Variants in STXBP4 observed in about 807,000 individuals in gnomAD.
The protein encoded by STXBP4 is syntaxin binding protein 4.
Under a neutral mutation model 76.1 loss-of-function variants are expected in STXBP4, and 55 were observed. The observed-to-expected ratio is 0.72, with a 90% CI of 0.58 to 0.91. STXBP4 has a LOEUF of 0.91. STXBP4 is among the 40% of genes least tolerant of loss of function. The probability of loss-of-function intolerance (pLI) is 0.00; values close to 1 mark genes in which losing one functional copy is unlikely to be tolerated. For missense variants in STXBP4, 618 were observed against 636.9 expected, an observed-to-expected ratio of 0.97 and a Z score of 0.32; for synonymous variants, 201 against 220.2, an observed-to-expected ratio of 0.91 and a Z score of 0.77.
intron 10 of STXBP4, 29 bp from the exon 11 acceptor site, chr17:55,043,207 A>G (rs2078732657): frequency 7.8e-7 from 1 of 1,284,262 alleles, no homozygotes; most frequent in Non-Finnish European, 1.1e-6. Flanking sequence ...CTAATGCACA[A>G]CTTTTCTCTT....
chr17:55,202,273 A>C, the STXBP4 span, among the ~76,000 whole-genome samples: 1 of 151,980 alleles, frequency 6.6e-6, no homozygotes, highest in Non-Finnish European at 1.5e-5. Context: ...TCATATATAT[A>C]TGTTTCTCAC....
intron 12 of STXBP4, among the ~76,000 whole-genome samples, chr17:55,054,705 A>T (rs2078903040): frequency 6.6e-6 from 1 of 152,194 alleles, no homozygotes; most frequent in African/African-American, 2.4e-5. Context: ...TATTAAGATA[A>T]TACACATAGA....
chr17:55,037,925 G>A (rs540009232), intron 10 of STXBP4, among the ~76,000 whole-genome samples: 37 of 152,140 alleles, frequency 2.4e-4, no homozygotes, highest in African/African-American at 8.9e-4. Flanking sequence ...TGATTGTTTT[G>A]CAGTGTAATT....
intron 1 of STXBP4, among the ~76,000 whole-genome samples, chr17:54,973,683 A>G (rs969161317): frequency 2.6e-5 from 4 of 152,262 alleles, no homozygotes; most frequent in African/African-American, 4.8e-5. Context: ...GTAATAATAC[A>G]TAAATTGTTA....
chr17:55,158,804 A>G (rs1325209433), intron 17 of STXBP4, among the ~76,000 whole-genome samples: 5 of 152,238 alleles, frequency 3.3e-5, no homozygotes, highest in Non-Finnish European at 5.9e-5. Flanking sequence ...TATATGAAAT[A>G]GGAAGGCCTA....
rs2080375790 is a variant in STXBP4 at position 55,165,936 on chromosome 17, C to T, written c.*6025C>T. 6.6e-6 allele frequency: 1 copy of T among 152,188 alleles called. No individual in the cohort carries two copies. Among genetic ancestry groups the T allele is most frequent in the Non-Finnish European group, 1.5e-5 (1 of 68,042 alleles). The allele number at this position is 152,188 out of a possible 1,614,324, so 9.4% of individuals were successfully genotyped here. A position where few individuals can be genotyped will look rare whatever the true frequency, so the allele number is the denominator to read the frequency against. ...ACTTCCCAGCCTCCAGAGCTGTGAA[C>T]AATACATTTATATTGTTTATAAATT... On this transcript the variant is annotated 3_prime_UTR_variant, in exon 18 of 18. Coordinates refer to ENST00000376352, the MANE Select transcript of STXBP4 (RefSeq NM_178509.6).
In STXBP4 at chr17:54,987,981, A is replaced by G. The variant is rs973965094; in HGVS notation, c.47+1715A>G. 3.9e-5 allele frequency among the ~76,000 whole-genome samples: 6 copies of G among 152,298 alleles called. No individual in the cohort carries two copies. The East Asian group carries it at 9.6e-4, about 24-fold the overall frequency. On this transcript the variant is annotated intron_variant, in intron 3 of 17. Transcript: ENST00000376352. ...TGAGCAGAACTATTTTTAATACTTAATAGGAAAAAAGAGTATATAATCTAA... is the reference window on the plus strand; with the variant it reads ...TGAGCAGAACTATTTTTAATACTTAGTAGGAAAAAAGAGTATATAATCTAA...
At chr17:55,196,198 G>A in the STXBP4 span, among the ~76,000 whole-genome samples, 1 of 152,062 alleles carries the variant, frequency 6.6e-6, no homozygotes, top group Non-Finnish European at 1.5e-5. Context: ...ATGTTTTTCA[G>A]ATGTTACATG....
intron 12 of STXBP4, among the ~76,000 whole-genome samples, chr17:55,071,962 C>A (rs1284529102): frequency 6.6e-6 from 1 of 152,168 alleles, no homozygotes; most frequent in Non-Finnish European, 1.5e-5. Context: ...ATATTGGTGT[C>A]CTGGGGGACT....
At chr17:55,064,274 T>G (rs1412743735) in intron 12 of STXBP4, among the ~76,000 whole-genome samples, 1 of 152,076 alleles carries the variant, frequency 6.6e-6, no homozygotes, top group African/African-American at 2.4e-5. Flanking sequence ...AGGCAGCTGA[T>G]TTCCTGATGT....
chr17:55,057,567 C>G (rs578132076), intron 12 of STXBP4, among the ~76,000 whole-genome samples: 91 of 152,190 alleles, frequency 6.0e-4, no homozygotes, highest in Non-Finnish European at 1.0e-3. Context: ...ACTTTGAGTT[C>G]TGGGATACAT....
At chr17:55,003,429 T>G (rs931826976) in intron 7 of STXBP4, among the ~76,000 whole-genome samples, 2 of 152,194 alleles carry the variant, frequency 1.3e-5, no homozygotes, top group African/African-American at 4.8e-5. Flanking sequence ...TCTACATAAA[T>G]GTAGTAGGCA....
chr17:54,988,668 A>T (rs569808821), intron 3 of STXBP4, among the ~76,000 whole-genome samples: 1 of 152,184 alleles, frequency 6.6e-6, no homozygotes, highest in East Asian at 1.9e-4. Flanking sequence ...CCAGCTATTC[A>T]GGAGGCTGAG....
At chr17:55,020,849 T>A (rs2078297720) in intron 8 of STXBP4, among the ~76,000 whole-genome samples, 2 of 152,078 alleles carry the variant, frequency 1.3e-5, no homozygotes, top group South Asian at 2.1e-4. Flanking sequence ...AAAATAAAAT[T>A]ATACTTTCAT....
intron 2 of STXBP4, among the ~76,000 whole-genome samples, 153 bp downstream of exon 2, chr17:54,985,844 T>G (rs77310638): frequency 0.014 from 2,137 of 152,328 alleles, 19 homozygotes; most frequent in Non-Finnish European, 0.021. Context: ...GTTGTAATAG[T>G]TACCTAAAGC....
chr17:55,184,240 T>C, the STXBP4 span, among the ~76,000 whole-genome samples: 3 of 151,778 alleles, frequency 2.0e-5, no homozygotes, highest in African/African-American at 7.3e-5. Flanking sequence ...GAGGGCAAGT[T>C]TGTTACATTC....
In STXBP4 at chr17:55,161,342, C is replaced by T. The variant is rs2080334987; in HGVS notation, c.*1431C>T. On this transcript the variant is annotated 3_prime_UTR_variant, in exon 18 of 18. Transcript: ENST00000376352. ...GAAGACTTGTGTTTTGCCTGACAGC[C>T]ATTTGAATGTTAGGAAGCTTCGGGG... 6.6e-6 allele frequency: 1 copy of T among 152,148 alleles called. No individual in the cohort carries two copies. The highest frequency in any genetic ancestry group is 2.4e-5 in the African/African-American group (1 of 41,440). The allele number at this position is 152,148 out of a possible 1,614,324, so 9.4% of individuals were successfully genotyped here.
chr17:55,093,706 T>C (rs560087222), intron 16 of STXBP4, among the ~76,000 whole-genome samples: 6 of 152,314 alleles, frequency 3.9e-5, no homozygotes, highest in Non-Finnish European at 8.8e-5. Flanking sequence ...AATAATTCTT[T>C]TCCTAGTACA....
intron 4 of STXBP4, among the ~76,000 whole-genome samples, chr17:54,993,743 A>G (rs2077755840): frequency 6.6e-6 from 1 of 152,242 alleles, no homozygotes; most frequent in African/African-American, 2.4e-5. Flanking sequence ...AAGTTGCTGA[A>G]CTGAGTAACT....
Sources: gnomAD v4.1 joint callset for allele counts (sites outside exome capture counted in the v4.1 genomes callset) on GRCh38, gnomAD v4.1.1 for gene constraint, MANE v1.5 for transcripts, NCBI Gene and HGNC (gene_info 2026-07-23, HGNC 2026-07-21) for gene names.